The following COL2A1 variants were observed in gnomAD, a reference collection of about 807,000 sequenced individuals.
COL2A1 encodes collagen alpha-1(II) chain.
In COL2A1, 28 loss-of-function variants were observed where a neutral mutation model predicts 204.5. The observed-to-expected ratio is 0.14, with a 90% CI of 0.10 to 0.19. The LOEUF (loss-of-function observed/expected upper bound fraction) is 0.19, where lower values mean the gene tolerates loss of function less well. COL2A1 is among the 10% of genes least tolerant of loss of function. The pLI, the probability that COL2A1 is intolerant of heterozygous loss-of-function variation, is 1.00. For missense variants in COL2A1, 1,388 were observed against 2,027.5 expected, an observed-to-expected ratio of 0.68 and a Z score of 6.06; for synonymous variants, 708 against 718.7, an observed-to-expected ratio of 0.99 and a Z score of 0.24.
chr12:47,993,618 G>T, intron 14 of COL2A1, 116 bp from the exon 15 acceptor site: 1 of 1,116,590 alleles, frequency 9.0e-7, no homozygotes, highest in Non-Finnish European at 1.4e-6. Flanking sequence ...ACAAACTTCA[G>T]TCCTGTGAGG....
chr12:47,991,466 C>T (rs756875527), intron 16 of COL2A1, among the ~76,000 whole-genome samples: 12 of 152,158 alleles, frequency 7.9e-5, no homozygotes, highest in Non-Finnish European at 1.8e-4. Flanking sequence ...TGCACAGCCC[C>T]CTTCTGGAAG....
In COL2A1 at chr12:47,997,910, T is replaced by C; in HGVS notation, c.390A>G (p.Glu130=). 6.2e-7 allele frequency: 1 copy of C among 1,614,132 alleles called. No individual in the cohort carries two copies. The highest frequency in any genetic ancestry group is 8.5e-7 in the Non-Finnish European group (1 of 1,180,034). ...GPPGPQGPAG[E]QGPRGDRGDK... is the part of the protein sequence containing the mutation. ...CACCACGATCCCCTCTGGGTCCTTG[T>C]TCCCCTGCAGGTCCCTGAAGGTGAA... Residue 130 remains glutamate (E), a synonymous_variant, in exon 6 of 54, where the codon GAA becomes GAG. Transcript: ENST00000380518.
In COL2A1 at chr12:47,996,663, C is replaced by T. The variant is rs370336019; in HGVS notation, c.532-38G>A. 5 of 1,561,912 alleles carry T rather than the reference C, an allele frequency of 3.2e-6. No individual in the cohort carries two copies. The South Asian group carries it at 4.4e-5, about 14-fold the overall frequency. On this transcript the variant is annotated intron_variant, in intron 7 of 53. Coordinates refer to ENST00000380518, the MANE Select transcript of COL2A1 (RefSeq NM_001844.5). ...CCAACAACGTTAGGAGGTTGAAAGG[C>T]ACTAGGTCTTCCCTACTTGGCTAGG...
chr12:47,980,668 T>A lies in COL2A1; in HGVS notation c.2518-7A>T. The A allele has an allele frequency of 6.2e-7, 1 of 1,608,356 alleles. No individual in the cohort carries two copies. On this transcript the variant is annotated splice_region_variant and splice_polypyrimidine_tract_variant and intron_variant, in intron 38 of 53. Transcript: ENST00000380518. The surrounding 1 kb of genome is among the most constrained non-coding windows in gnomAD (Gnocchi z 4.5). ...CAGGCTGGCCATCAGCACCCTATAATGGGAAGGAGGAAGCAGGTGAATGAG... is the reference window on the plus strand; with the variant it reads ...CAGGCTGGCCATCAGCACCCTATAAAGGGAAGGAGGAAGCAGGTGAATGAG...
At position 47,973,096 on chromosome 12, in the gene COL2A1, T is replaced by G; in HGVS notation, c.*311A>C. The G allele has an allele frequency of 5.0e-6, 3 of 601,926 alleles. No individual in the cohort carries two copies. The highest frequency in any genetic ancestry group is 8.9e-6 in the Non-Finnish European group (3 of 338,668). 37.3% of individuals were successfully genotyped at this position (601,926 alleles called of 1,614,324 possible). On this transcript the variant is annotated 3_prime_UTR_variant, in exon 54 of 54. Transcript: ENST00000380518. Reference sequence around the variant, plus strand: ...GCGCCCGGCACCTGAAGGGAGGTCTTCTGGCCTGGGCTGGGGGCAGTCACT... The same window carrying G: ...GCGCCCGGCACCTGAAGGGAGGTCTGCTGGCCTGGGCTGGGGGCAGTCACT...
At chr12:47,982,645 A>G (rs982240842) in intron 33 of COL2A1, 36 bp from the exon 34 acceptor site, 4 of 1,489,600 alleles carry the variant, frequency 2.7e-6, no homozygotes, top group Non-Finnish European at 3.7e-6. Flanking sequence ...TGTAGTGGAC[A>G]GCACCTCTCC....
At position 47,997,636 on chromosome 12, in the gene COL2A1, G is replaced by A. The variant is rs768549401; in HGVS notation, c.501C>T (p.Pro167=). The change falls in exon 7 of 54, where the codon CCC becomes CCT. Residue 167 remains proline, a synonymous_variant. Coordinates refer to ENST00000380518, the MANE Select transcript of COL2A1 (RefSeq NM_001844.5). The part of the protein sequence containing the change: ...TPGNPGPPGP[P]GPPGPPGLGG... ...CAAGACCAGGGGGACCAGGGGGGCCGGGAGGACCAGGGGGGCCAGGATTTC... is the reference window on the plus strand; with the variant it reads ...CAAGACCAGGGGGACCAGGGGGGCCAGGAGGACCAGGGGGGCCAGGATTTC... 1.1e-5 allele frequency: 17 copies of A among 1,613,136 alleles called. No individual in the cohort carries two copies. The highest frequency in any genetic ancestry group is 6.7e-5 in the African/African-American group (5 of 74,800).
At chr12:47,982,293 G>C in intron 34 of COL2A1, 133 bp from the exon 35 acceptor site, 4 of 873,862 alleles carry the variant, frequency 4.6e-6, no homozygotes, top group Non-Finnish European at 7.6e-6. Flanking sequence ...GTCTCAGGGT[G>C]GGTGAGGAGC....
At chr12:47,982,014 C>T in intron 35 of COL2A1, 93 bp downstream of exon 35, 1 of 1,382,172 alleles carries the variant, frequency 7.2e-7, no homozygotes, top group Non-Finnish European at 1.0e-6. Flanking sequence ...ACCAGGGACC[C>T]CAGTGGCAGA....
In COL2A1 at chr12:47,981,329, G is replaced by A. The variant is rs1210332309; in HGVS notation, c.2463+14C>T. The stretch of plus-strand genomic sequence containing the variant: ...GCCTCGGGCAGAGCCAGGCTCAGAG[G>A]GGCAGACACTCACCGGAGCGCCACG... On this transcript the variant is annotated intron_variant, in intron 37 of 53. Transcript: ENST00000380518. The A allele has an allele frequency of 6.2e-7, 1 of 1,611,900 alleles. No homozygotes were observed. The highest frequency in any genetic ancestry group is 8.5e-7 in the Non-Finnish European group (1 of 1,179,662).
chr12:47,986,548 T>TGG (rs34642877), intron 22 of COL2A1, 105 bp from the exon 23 acceptor site: 1,279 of 664,486 alleles, frequency 1.9e-3, no homozygotes, highest in Middle Eastern at 3.9e-3. Flanking sequence ...GTTTCAGGGC[T>TGG]GGGGGGGGGC....
chr12:47,979,485 C>A, intron 41 of COL2A1, 26 bp downstream of exon 41: 1 of 1,612,958 alleles, frequency 6.2e-7, no homozygotes. Context: ...CCTGCCTGTG[C>A]CTCTCATGCC....
At position 48,000,033 on chromosome 12, in the gene COL2A1, C is replaced by T. The variant is rs773434184; in HGVS notation, c.178G>A (p.Gly60Arg). Residue 60 changes from glycine to arginine, a missense_variant, in exon 2 of 54, where the codon GGG becomes AGG. Transcript: ENST00000380518. ...ATTATGTCGTCGCAGAGGACAGTCCCAGTGTCACAGACACAGATCCGGCAG... is the reference window on the plus strand; with the variant it reads ...ATTATGTCGTCGCAGAGGACAGTCCTAGTGTCACAGACACAGATCCGGCAG... ...EPCRICVCDT[G>R]TVLCDDIICE... 2 of 1,614,108 alleles carry T rather than the reference C, an allele frequency of 1.2e-6. No homozygotes were observed. Among genetic ancestry groups the T allele is most frequent in the Non-Finnish European group, 1.7e-6 (2 of 1,180,002 alleles).
At chr12:47,983,028 A>T in intron 32 of COL2A1, 65 bp downstream of exon 32, 1 of 1,608,078 alleles carries the variant, frequency 6.2e-7, no homozygotes, top group Admixed American at 1.7e-5. Flanking sequence ...TGGGGAAAGG[A>T]GCAGGAGCAT....
chr12:47,999,673 TCA>T (rs2136635572), intron 2 of COL2A1: 1 of 332,220 alleles, frequency 3.0e-6, no homozygotes, highest in Non-Finnish European at 5.5e-6. Flanking sequence ...CATCTGTCCT[TCA>T]TGTGTCTTGG....
chr12:47,986,726 G>T, intron 22 of COL2A1, 109 bp downstream of exon 22: 3 of 1,290,776 alleles, frequency 2.3e-6, no homozygotes, highest in Non-Finnish European at 3.4e-6. Flanking sequence ...AAAGGACCCA[G>T]ATTGGGGGAT....
At position 47,973,102 on chromosome 12, in the gene COL2A1, C is replaced by T. The variant is rs532700241; in HGVS notation, c.*305G>A. Reference sequence around the variant, plus strand: ...GGCACCTGAAGGGAGGTCTTCTGGCCTGGGCTGGGGGCAGTCACTCAGGGG... The same window carrying T: ...GGCACCTGAAGGGAGGTCTTCTGGCTTGGGCTGGGGGCAGTCACTCAGGGG... On this transcript the variant is annotated 3_prime_UTR_variant, in exon 54 of 54. Transcript: ENST00000380518. 5.7e-3 allele frequency: 3,424 copies of T among 602,094 alleles called. 11 individuals carry two copies. Among genetic ancestry groups the T allele is most frequent in the Non-Finnish European group, 7.7e-3 (2,624 of 338,754 alleles). 37.3% of individuals were successfully genotyped at this position (602,094 alleles called of 1,614,324 possible).
intron 1 of COL2A1, among the ~76,000 whole-genome samples, chr12:48,003,871 T>G (rs1940347818): frequency 6.6e-6 from 1 of 152,238 alleles, no homozygotes; most frequent in African/African-American, 2.4e-5. Context: ...GAACTCGAAG[T>G]GCTTCGAAGA....
chr12:48,001,555 A>AG (rs1310092409), intron 1 of COL2A1, among the ~76,000 whole-genome samples: 2 of 151,904 alleles, frequency 1.3e-5, no homozygotes, highest in Non-Finnish European at 2.9e-5. Context: ...CAGGGAGGAG[A>AG]GGGGGAAATG....
Sources: allele counts gnomAD v4.1 joint callset (sites outside exome capture counted in the v4.1 genomes callset), GRCh38; gene constraint gnomAD v4.1.1; non-coding constraint Gnocchi (gnomAD v3.1); transcripts MANE v1.5; gene names NCBI Gene and HGNC (gene_info 2026-07-23, HGNC 2026-07-21).